Variants in BMPR1B observed in about 807,000 individuals in gnomAD.
The protein encoded by BMPR1B is bone morphogenetic protein receptor type-1B.
BMPR1B carries 12 observed loss-of-function variants against 59.1 expected under a neutral mutation model. That is an observed-to-expected ratio of 0.20 (90% CI 0.13 to 0.33). The LOEUF is 0.33. Ranked by LOEUF, BMPR1B falls within the 10% of genes least tolerant of loss-of-function variation. BMPR1B has a pLI of 1.00. For missense variants in BMPR1B, 550 were observed against 610.9 expected (o/e 0.90, Z 1.05); for synonymous variants, 237 against 207.3 (o/e 1.14, Z -1.23).
intron 3 of BMPR1B, among the ~76,000 whole-genome samples, chr4:95,101,547 C>A (rs1461503795): frequency 2.0e-5 from 3 of 152,066 alleles, no homozygotes; most frequent in Admixed American, 6.6e-5. Context: ...GTTTCTGGAG[C>A]CTTTTTGGTG....
intron 2 of BMPR1B, among the ~76,000 whole-genome samples, chr4:94,962,276 T>C (rs2149067489): frequency 6.6e-6 from 1 of 152,212 alleles, no homozygotes; most frequent in East Asian, 1.9e-4. Context: ...TAGTGGGGAC[T>C]ACAGGCGTGT....
intron 1 of BMPR1B, among the ~76,000 whole-genome samples, chr4:94,807,598 A>C: frequency 6.6e-6 from 1 of 152,342 alleles, no homozygotes; most frequent in East Asian, 1.9e-4. Context: ...AGAGAATATA[A>C]GTTTTTTAAA....
At chr4:94,839,766 A>G (rs973688041) in intron 1 of BMPR1B, among the ~76,000 whole-genome samples, 8 of 137,482 alleles carry the variant, frequency 5.8e-5, no homozygotes, top group Non-Finnish European at 1.3e-4. Context: ...TTACATTTAA[A>G]GTTAATATTG....
At chr4:94,970,282 T>G (rs1369761657) in intron 2 of BMPR1B, among the ~76,000 whole-genome samples, 5 of 113,048 alleles carry the variant, frequency 4.4e-5, no homozygotes. Flanking sequence ...TTCTCTTCTC[T>G]TCTCTTCTCT....
intron 2 of BMPR1B, among the ~76,000 whole-genome samples, chr4:94,947,412 A>G (rs1316637745): frequency 6.6e-6 from 1 of 152,234 alleles, no homozygotes; most frequent in Non-Finnish European, 1.5e-5. Context: ...TTGTTTGGGA[A>G]TATTGGCAAG....
At chr4:94,972,569 A>G (rs1346810587) in intron 2 of BMPR1B, among the ~76,000 whole-genome samples, 1 of 152,024 alleles carries the variant, frequency 6.6e-6, no homozygotes, top group Non-Finnish European at 1.5e-5. Context: ...TCAGGTTTCT[A>G]AATTTTACTT....
chr4:95,051,679 A>G (rs1726512335), intron 3 of BMPR1B: 1 of 1,534,930 alleles, frequency 6.5e-7, no homozygotes, highest in Non-Finnish European at 8.7e-7. Flanking sequence ...GGCAGGGCAC[A>G]TTGACTGCTC....
At chr4:94,835,541 G>A (rs574169927) in intron 1 of BMPR1B, among the ~76,000 whole-genome samples, 2 of 152,214 alleles carry the variant, frequency 1.3e-5, no homozygotes, top group South Asian at 4.1e-4. Context: ...ATATCAGTTG[G>A]CAAAACTTTT....
At chr4:95,057,772 A>G (rs1389076581) in intron 3 of BMPR1B, among the ~76,000 whole-genome samples, 1 of 151,898 alleles carries the variant, frequency 6.6e-6, no homozygotes, top group Non-Finnish European at 1.5e-5. Flanking sequence ...TACTTCCAGG[A>G]CTCTTTTGTT....
At chr4:94,995,850 AC>A in intron 2 of BMPR1B, 189 bp from the exon 3 acceptor site, 1 of 152,280 alleles carries the variant, frequency 6.6e-6, no homozygotes, top group East Asian at 1.9e-4. Context: ...AGTAACACAG[AC>A]CTGTGCCATG....
rs997466233 is a variant in BMPR1B at position 94,837,388 on chromosome 4, A to G, written c.-182-38443A>G. On this transcript the variant is annotated intron_variant, in intron 1 of 12. Coordinates refer to ENST00000515059, the MANE Select transcript of BMPR1B (RefSeq NM_001203.3). ...TTCACGATATTGATTCTTCCTACCC[A>G]TGAGAATGGAATGTTCTTCCATTTG... Among the ~76,000 whole-genome samples the G allele has an allele frequency of 1.4e-5, 2 of 138,202 alleles. 1 individual carries two copies. Among genetic ancestry groups the G allele is most frequent in the African/African-American group, 5.6e-5 (2 of 35,914 alleles). The allele number at this position is 138,202 out of a possible 152,430, so 90.7% of individuals were successfully genotyped here.
At chr4:94,829,540 T>C (rs1379496080) in intron 1 of BMPR1B, among the ~76,000 whole-genome samples, 1 of 152,152 alleles carries the variant, frequency 6.6e-6, no homozygotes, top group African/African-American at 2.4e-5. Context: ...GCCAGGATTA[T>C]AGGCATGAGC....
chr4:94,834,654 T>C (rs1011037040), intron 1 of BMPR1B, among the ~76,000 whole-genome samples: 3 of 126,518 alleles, frequency 2.4e-5, no homozygotes, highest in Non-Finnish European at 3.6e-5. Context: ...TGGTGTAGTT[T>C]AGAACCTTAT....
At chr4:95,060,285 A>G (rs931287565) in intron 3 of BMPR1B, among the ~76,000 whole-genome samples, 1 of 152,220 alleles carries the variant, frequency 6.6e-6, no homozygotes, top group Admixed American at 6.5e-5. Context: ...TTCCCTACAG[A>G]TAGAACCTCT....
At chr4:95,149,762 T>G (rs1002883423) in intron 11 of BMPR1B, among the ~76,000 whole-genome samples, 1 of 152,208 alleles carries the variant, frequency 6.6e-6, no homozygotes, top group African/African-American at 2.4e-5. Context: ...TGCTGAAGAT[T>G]CTGAAAGTGC....
At chr4:95,108,630 C>G (rs1353682288) in intron 4 of BMPR1B, among the ~76,000 whole-genome samples, 5 of 152,072 alleles carry the variant, frequency 3.3e-5, no homozygotes, top group African/African-American at 4.8e-5. Flanking sequence ...TGATCTCTGT[C>G]AGGTGCAGAT....
At chr4:94,999,499 CAA>C (rs757841577) in intron 3 of BMPR1B, among the ~76,000 whole-genome samples, 10 of 151,448 alleles carry the variant, frequency 6.6e-5, no homozygotes, top group East Asian at 5.8e-4. Flanking sequence ...ATTTGGGTAA[CAA>C]GAGTCAAAAT....
intron 2 of BMPR1B, among the ~76,000 whole-genome samples, chr4:94,986,261 A>G (rs146953860): frequency 5.4e-4 from 82 of 152,274 alleles, no homozygotes; most frequent in African/African-American, 1.8e-3. Flanking sequence ...TACTTTTACT[A>G]TATTTCCTCA....
Position 94,889,368 on chromosome 4 carries a change from C to T in BMPR1B, c.-113+13468C>T, listed in dbSNP as rs140098892. 1.7e-3 allele frequency among the ~76,000 whole-genome samples: 260 copies of T among 152,102 alleles called. 1 individual carries two copies. Among genetic ancestry groups the T allele is most frequent in the African/African-American group, 6.1e-3 (252 of 41,492 alleles). On this transcript the variant is annotated intron_variant, in intron 2 of 12. Coordinates refer to ENST00000515059, the MANE Select transcript of BMPR1B (RefSeq NM_001203.3). ...CTGAGCCAAACATTTCTAGGCCCTG[C>T]GTCAACTCTGTAGTATCTCTGTTTT...
Sources: gnomAD v4.1 joint callset for allele counts (sites outside exome capture counted in the v4.1 genomes callset) on GRCh38, gnomAD v4.1.1 for gene constraint, MANE v1.5 for transcripts, NCBI Gene and HGNC (gene_info 2026-07-23, HGNC 2026-07-21) for gene names.